ARHGAP32: variants seen among roughly 807,000 people sequenced by gnomAD.
The protein encoded by ARHGAP32 is Rho GTPase activating protein 32.
Under a neutral mutation model 186.5 loss-of-function variants are expected in ARHGAP32, and 51 were observed. That is an observed-to-expected ratio of 0.27 (90% CI 0.22 to 0.35). ARHGAP32 has a LOEUF of 0.35. ARHGAP32 is among the 10% of genes least tolerant of loss of function. The pLI is 1.00. For synonymous variants in ARHGAP32, 950 were observed against 964.3 expected, an observed-to-expected ratio of 0.99 and a Z score of 0.27; for missense variants, 2,186 against 2,623.5, an observed-to-expected ratio of 0.83 and a Z score of 3.64.
At chr11:129,016,167 G>C (rs1938328800) in intron 11 of ARHGAP32, among the ~76,000 whole-genome samples, 4 of 152,018 alleles carry the variant, frequency 2.6e-5, no homozygotes, top group Admixed American at 2.0e-4. Context: ...TGGCCATTCA[G>C]TTTTCTTCTT....
rs555867092 is a variant in ARHGAP32 at position 128,991,802 on chromosome 11, G to A, written c.1196-3677C>T. On this transcript the variant is annotated intron_variant, in intron 12 of 22. Transcript: ENST00000682385. ...AGAAGTACATATTTAAATTAAAATC[G>A]ATGATCCTTTAGATTAGAATATGGC... Among the ~76,000 whole-genome samples the A allele has an allele frequency of 7.9e-5, 12 of 152,190 alleles. No individual in the cohort carries two copies. The East Asian group carries it at 1.2e-3, about 15-fold the overall frequency.
At chr11:128,986,726 CT>C (rs1200494953) in intron 13 of ARHGAP32, 58 bp from the exon 14 acceptor site, 2 of 1,554,342 alleles carry the variant, frequency 1.3e-6, no homozygotes, top group Non-Finnish European at 1.8e-6. Flanking sequence ...AAATATGTGT[CT>C]TAAAAACAGA....
chr11:129,065,577 G>A (rs1012122817), intron 7 of ARHGAP32, among the ~76,000 whole-genome samples: 1 of 152,082 alleles, frequency 6.6e-6, no homozygotes, highest in Non-Finnish European at 1.5e-5. Flanking sequence ...GCAGAAATGG[G>A]AAATGCAGAT....
chr11:129,066,092 T>C (rs1940679449), intron 7 of ARHGAP32, among the ~76,000 whole-genome samples: 1 of 152,150 alleles, frequency 6.6e-6, no homozygotes, highest in African/African-American at 2.4e-5. Context: ...TAATCATCCT[T>C]CGAAAAGCCT....
At chr11:129,089,272 A>G (rs560858021) in intron 6 of ARHGAP32, among the ~76,000 whole-genome samples, 2 of 152,338 alleles carry the variant, frequency 1.3e-5, no homozygotes, top group Admixed American at 1.3e-4. Flanking sequence ...TAAACCTTTG[A>G]CTTCTTAGAA....
chr11:129,276,271 A>C lies in ARHGAP32; in HGVS notation c.-5+2875T>G, dbSNP rs551790655. Among the ~76,000 whole-genome samples the C allele has an allele frequency of 8.6e-5, 13 of 152,012 alleles. No individual in the cohort carries two copies. In the East Asian group the frequency reaches 2.5e-3, roughly 29 times the overall value. ...AGAATTTTGGAACTAGAAGAAATCTAACACGTTCTCATTCCTTATCTGTTT... is the reference window on the plus strand; with the variant it reads ...AGAATTTTGGAACTAGAAGAAATCTCACACGTTCTCATTCCTTATCTGTTT... On this transcript the variant is annotated intron_variant, in intron 1 of 6. Transcript: ENST00000525234.
At position 129,053,152 on chromosome 11, in the gene ARHGAP32, G is replaced by A. The variant is rs538315049; in HGVS notation, c.963+9128C>T. On this transcript the variant is annotated intron_variant, in intron 10 of 22. Coordinates refer to ENST00000682385, the MANE Select transcript of ARHGAP32 (RefSeq NM_001378024.1). ...TTAAAAAATTGAGTGTTTAAGCCTC[G>A]GTTGGTAAGACATATTCTGATGTTA... is the stretch of plus-strand genomic sequence containing the variant. 5.9e-5 allele frequency among the ~76,000 whole-genome samples: 9 copies of A among 152,104 alleles called. No individual in the cohort carries two copies. The South Asian group carries it at 8.3e-4, about 14-fold the overall frequency.
intron 1 of ARHGAP32, among the ~76,000 whole-genome samples, chr11:129,214,857 C>A (rs1347909239): frequency 6.6e-6 from 1 of 152,168 alleles, no homozygotes; most frequent in African/African-American, 2.4e-5. Context: ...CTGCTCAACT[C>A]CATCTTCGTA....
At chr11:129,187,043 A>T (rs935602898) in intron 1 of ARHGAP32, among the ~76,000 whole-genome samples, 2 of 152,218 alleles carry the variant, frequency 1.3e-5, no homozygotes, top group African/African-American at 4.8e-5. Context: ...AAATCAGTCT[A>T]CTGAAGAGGT....
intron 17 of ARHGAP32, 43 bp downstream of exon 17, chr11:128,981,373 C>G: frequency 6.5e-7 from 1 of 1,538,848 alleles, no homozygotes; most frequent in Non-Finnish European, 8.8e-7. Flanking sequence ...CCTCTGGAAG[C>G]TGAGACACAC....
intron 12 of ARHGAP32, among the ~76,000 whole-genome samples, chr11:128,990,568 A>G (rs2134684466): frequency 6.6e-6 from 1 of 152,324 alleles, no homozygotes; most frequent in South Asian, 2.1e-4. Flanking sequence ...CAGTAACAAG[A>G]AAAGGTTATG....
intron 5 of ARHGAP32, among the ~76,000 whole-genome samples, chr11:129,100,368 A>G (rs1198799940): frequency 6.6e-6 from 1 of 152,086 alleles, no homozygotes; most frequent in African/African-American, 2.4e-5. Flanking sequence ...GCAGCCTCAC[A>G]TGTCCTGGGA....
intron 1 of ARHGAP32, among the ~76,000 whole-genome samples, chr11:129,185,127 A>G (rs951654086): frequency 2.2e-4 from 33 of 152,216 alleles, no homozygotes; most frequent in Non-Finnish European, 4.6e-4. Flanking sequence ...ATTATAAATC[A>G]TGCTGCTATA....
chr11:129,140,772 C>T (rs953423264), intron 2 of ARHGAP32, among the ~76,000 whole-genome samples: 1 of 152,186 alleles, frequency 6.6e-6, no homozygotes, highest in Middle Eastern at 3.2e-3. Context: ...GTTCAATAAC[C>T]AGCTCTCCTA....
At chr11:129,184,737 G>A (rs1404466773) in intron 1 of ARHGAP32, among the ~76,000 whole-genome samples, 1 of 151,942 alleles carries the variant, frequency 6.6e-6, no homozygotes, top group Non-Finnish European at 1.5e-5. Context: ...TAAAGAACGG[G>A]TAACAAAATA....
intron 1 of ARHGAP32, among the ~76,000 whole-genome samples, chr11:129,187,937 G>C (rs183575417): frequency 1.4e-3 from 208 of 151,854 alleles, no homozygotes; most frequent in East Asian, 1.6e-3. Context: ...TGGTTTTTTT[G>C]TGTGGTTTTT....
intron 2 of ARHGAP32, among the ~76,000 whole-genome samples, chr11:129,139,858 G>A (rs1943014493): frequency 6.6e-6 from 1 of 152,118 alleles, no homozygotes; most frequent in South Asian, 2.1e-4. Context: ...AATATATTAT[G>A]AAGTATAAAT....
Position 129,003,380 on chromosome 11 carries a change from T to C in ARHGAP32, c.1046-4912A>G, listed in dbSNP as rs1350912520. On this transcript the variant is annotated intron_variant, in intron 11 of 22. Coordinates refer to ENST00000682385, the MANE Select transcript of ARHGAP32 (RefSeq NM_001378024.1). ...GATGTGTCATTTGTTTTGGTATCAG[T>C]GTAATATTGGCTTTGTAGAATTCGT... Among the ~76,000 whole-genome samples the C allele has an allele frequency of 2.0e-5, 3 of 152,192 alleles. No homozygotes were observed. The South Asian group carries it at 6.2e-4, about 32-fold the overall frequency.
chr11:128,986,804 T>C (rs1945885914), intron 13 of ARHGAP32, 136 bp from the exon 14 acceptor site: 1 of 781,322 alleles, frequency 1.3e-6, no homozygotes, highest in Non-Finnish European at 2.0e-6. Context: ...TTAATTATAT[T>C]TCATTTAAGT....
Sources: gnomAD v4.1 joint callset for allele counts (sites outside exome capture counted in the v4.1 genomes callset) on GRCh38, gnomAD v4.1.1 for gene constraint, MANE v1.5 for transcripts, NCBI Gene and HGNC (gene_info 2026-07-23, HGNC 2026-07-21) for gene names.